PTPRD: variants seen among roughly 807,000 people sequenced by gnomAD.
PTPRD encodes the protein receptor-type tyrosine-protein phosphatase delta.
A neutral mutation model predicts 214.5 loss-of-function variants in PTPRD; 34 were observed. The observed-to-expected ratio is 0.16, with a 90% CI of 0.12 to 0.21. The LOEUF (loss-of-function observed/expected upper bound fraction) is 0.21. Among genes scored for constraint, PTPRD ranks in the 10% least tolerant of loss-of-function variants. The pLI is 1.00. For missense variants in PTPRD, 2,545 were observed against 2,398.7 expected, an observed-to-expected ratio of 1.06 and a Z score of -1.27; for synonymous variants, 1,128 against 845.7, an observed-to-expected ratio of 1.33 and a Z score of -5.79.
chr9:9,799,630 G>C (rs888541855), intron 5 of PTPRD: 2 of 152,086 alleles, frequency 1.3e-5, no homozygotes, highest in Non-Finnish European at 2.9e-5. Flanking sequence ...ATTTGCTAAT[G>C]CTAAAATTCA....
intron 4 of PTPRD, among the ~76,000 whole-genome samples, chr9:9,957,194 A>C (rs1409060377): frequency 1.3e-5 from 2 of 152,216 alleles, no homozygotes; most frequent in Non-Finnish European, 2.9e-5. Context: ...AAAGTGATCC[A>C]GAGCTACTAA....
At position 8,389,404 on chromosome 9, in the gene PTPRD, A is replaced by T. The variant is rs758994174; in HGVS notation, c.4214T>A (p.Ile1405Asn). The T allele has an allele frequency of 1.2e-6, 2 of 1,606,298 alleles. No individual in the cohort carries two copies. The highest frequency in any genetic ancestry group is 1.7e-6 in the Non-Finnish European group (2 of 1,176,440). ...SRVLLSAIEG[I>N]PGSDYVNANY... ...GGCATTCACATAGTCACTTCCTGGGATCCCTGGAAAACAAGGAGTGTTATT... is the reference window on the plus strand; with the variant it reads ...GGCATTCACATAGTCACTTCCTGGGTTCCCTGGAAAACAAGGAGTGTTATT... The change falls in exon 37 of 46, where the codon ATC becomes AAC. Residue 1405 changes from isoleucine to asparagine, a missense_variant. Ile to Asn is a moderately radical substitution (Grantham distance 149, BLOSUM62 -3). Coordinates refer to ENST00000381196, the MANE Select transcript of PTPRD (RefSeq NM_002839.4).
At chr9:9,643,397 T>C (rs2096036773) in intron 7 of PTPRD, among the ~76,000 whole-genome samples, 1 of 152,158 alleles carries the variant, frequency 6.6e-6, no homozygotes, top group Non-Finnish European at 1.5e-5. Flanking sequence ...TAAACTCAAA[T>C]TGGATTTGTA....
chr9:9,351,042 A>C (rs768319982), intron 9 of PTPRD, among the ~76,000 whole-genome samples: 8 of 152,014 alleles, frequency 5.3e-5, no homozygotes, highest in Admixed American at 1.3e-4. Flanking sequence ...CCTGAAGTCA[A>C]GTCTCAATTA....
chr9:10,599,212 C>T (rs900287171), intron 2 of PTPRD, among the ~76,000 whole-genome samples: 6 of 151,612 alleles, frequency 4.0e-5, no homozygotes, highest in Admixed American at 1.3e-4. Flanking sequence ...CCTGTATCTA[C>T]GAATGACCAT....
chr9:9,175,497 C>T (rs1326516503), intron 10 of PTPRD, among the ~76,000 whole-genome samples: 1 of 151,546 alleles, frequency 6.6e-6, no homozygotes, highest in Non-Finnish European at 1.5e-5. Flanking sequence ...ATGGTGGGTG[C>T]CTGTAATCCC....
chr9:8,551,252 A>T (rs1298208347), intron 14 of PTPRD, among the ~76,000 whole-genome samples: 6 of 151,894 alleles, frequency 4.0e-5, no homozygotes, highest in Non-Finnish European at 5.9e-5. Flanking sequence ...TTGTAATTAA[A>T]TTTTTTTTCA....
intron 4 of PTPRD, among the ~76,000 whole-genome samples, chr9:9,955,516 G>GTTT (rs2093830005): frequency 7.0e-6 from 1 of 142,832 alleles, no homozygotes; most frequent in African/African-American, 2.7e-5. Context: ...TTTTTGTTTT[G>GTTT]TTTTGTTTTG....
chr9:9,611,424 C>A (rs945361201), intron 7 of PTPRD, among the ~76,000 whole-genome samples: 3 of 151,660 alleles, frequency 2.0e-5, no homozygotes, highest in African/African-American at 4.8e-5. Context: ...TGTTTTGATT[C>A]GTAATTATTT....
chr9:8,892,717 G>GTA lies in PTPRD; in HGVS notation c.-104+125978_-104+125979dup, dbSNP rs112911500. ...TATATATATATGTGTGCGTATATGT[G>GTA]TATATATATATATATGTATGTATAT... On this transcript the variant is annotated intron_variant, in intron 11 of 45. Transcript: ENST00000381196. 1.3e-3 allele frequency among the ~76,000 whole-genome samples: 181 copies of GTA among 140,000 alleles called. 1 individual carries two copies. The highest frequency in any genetic ancestry group is 2.6e-3 in the South Asian group (12 of 4,580). 91.8% of individuals were successfully genotyped at this position (140,000 alleles called of 152,430 possible). A position where few individuals can be genotyped will look rare whatever the true frequency, so the allele number is the denominator to read the frequency against.
At position 10,091,884 on chromosome 9, in the gene PTPRD, C is replaced by G. The variant is rs565734828; in HGVS notation, c.-544-58094G>C. Among the ~76,000 whole-genome samples, 7 of 151,418 alleles carry G rather than the reference C, an allele frequency of 4.6e-5. No individual in the cohort carries two copies. In the South Asian group the frequency reaches 1.0e-3, roughly 22 times the overall value. Reference sequence around the variant, plus strand: ...GGTTACCAGAACCTGTCCTTTTTCTCTCCCGGAAATTATTAATGGATCCTT... The same window carrying G: ...GGTTACCAGAACCTGTCCTTTTTCTGTCCCGGAAATTATTAATGGATCCTT... On this transcript the variant is annotated intron_variant, in intron 3 of 45. Transcript: ENST00000381196.
intron 12 of PTPRD, among the ~76,000 whole-genome samples, chr9:8,723,734 T>C (rs1022635948): frequency 2.6e-5 from 4 of 152,206 alleles, no homozygotes; most frequent in Admixed American, 6.5e-5. Context: ...CACTCCTTTA[T>C]AAGCATCTTA....
At chr9:8,709,475 A>G (rs1462536420) in intron 12 of PTPRD, among the ~76,000 whole-genome samples, 1 of 148,764 alleles carries the variant, frequency 6.7e-6, no homozygotes, top group Non-Finnish European at 1.5e-5. Flanking sequence ...AGATCACATC[A>G]CTGCACTCCA....
intron 6 of PTPRD, among the ~76,000 whole-genome samples, chr9:9,762,870 T>G (rs1230143034): frequency 6.6e-6 from 1 of 152,218 alleles, no homozygotes; most frequent in Non-Finnish European, 1.5e-5. Context: ...ATAGACCAAG[T>G]GGCTTAAACA....
At chr9:9,894,573 T>C (rs533158826) in intron 5 of PTPRD, among the ~76,000 whole-genome samples, 4 of 152,184 alleles carry the variant, frequency 2.6e-5, no homozygotes, top group Non-Finnish European at 2.9e-5. Flanking sequence ...TTCAGCACCA[T>C]CATTTTTTCA....
chr9:8,530,935 T>A lies in PTPRD; in HGVS notation c.353-2156A>T, dbSNP rs113408049. ...AAGTTTCTATCTTTTACTAACACAG[T>A]CTGTGAAGGACCAAAAGAAGCTGAG... On this transcript the variant is annotated intron_variant, in intron 14 of 45. Transcript: ENST00000381196. Among the ~76,000 whole-genome samples, 110 of 152,164 alleles carry A rather than the reference T, an allele frequency of 7.2e-4. No homozygotes were observed. The Middle Eastern group carries it at 0.01, about 14-fold the overall frequency.
chr9:8,673,884 C>T (rs10122820), intron 12 of PTPRD, among the ~76,000 whole-genome samples: 44,845 of 151,748 alleles, frequency 0.3, 7,457 homozygotes, highest in African/African-American at 0.44. Flanking sequence ...GCAGGATGTT[C>T]AGCAGCACCC....
intron 3 of PTPRD, among the ~76,000 whole-genome samples, chr9:10,216,007 GA>G (rs2154345297): frequency 6.6e-6 from 1 of 151,966 alleles, no homozygotes; most frequent in African/African-American, 2.4e-5. Context: ...TTTTTCTAAG[GA>G]AAAGTGAGAG....
intron 7 of PTPRD, among the ~76,000 whole-genome samples, chr9:9,722,044 G>C (rs1043384772): frequency 6.6e-6 from 1 of 151,886 alleles, no homozygotes; most frequent in Non-Finnish European, 1.5e-5. Context: ...ATTTATCCCA[G>C]TTTCTTTTTT....
Sources: allele counts gnomAD v4.1 joint callset (sites outside exome capture counted in the v4.1 genomes callset), GRCh38; gene constraint gnomAD v4.1.1; transcripts MANE v1.5; gene names NCBI Gene and HGNC (gene_info 2026-07-23, HGNC 2026-07-21).